CLSTN2: variants seen among roughly 807,000 people sequenced by gnomAD.
CLSTN2 encodes calsyntenin 2.
CLSTN2 carries 48 observed loss-of-function variants against 101.2 expected under a neutral mutation model. The observed-to-expected ratio is 0.47, with a 90% CI of 0.38 to 0.60. CLSTN2 has a LOEUF of 0.60. Ranked by LOEUF, CLSTN2 falls within the 20% of genes least tolerant of loss-of-function variation. The pLI, the probability that CLSTN2 is intolerant of heterozygous loss-of-function variation, is 0.00. For synonymous variants in CLSTN2, 481 were observed against 463.6 expected, an observed-to-expected ratio of 1.04 and a Z score of -0.48; for missense variants, 1,160 against 1,238.2, an observed-to-expected ratio of 0.94 and a Z score of 0.95.
chr3:139,945,348 T>C (rs1314503557), intron 1 of CLSTN2, among the ~76,000 whole-genome samples: 2 of 152,200 alleles, frequency 1.3e-5, no homozygotes, highest in African/African-American at 2.4e-5. Flanking sequence ...AAGAAAGTTC[T>C]AAGTATTCAA....
intron 1 of CLSTN2, among the ~76,000 whole-genome samples, chr3:139,944,219 T>C (rs191789294): frequency 6.6e-6 from 1 of 152,310 alleles, no homozygotes; most frequent in Admixed American, 6.5e-5. Flanking sequence ...ACTTATCCAG[T>C]TTACCCAAGT....
chr3:139,993,801 G>T (rs1242533361), intron 1 of CLSTN2, among the ~76,000 whole-genome samples: 5 of 151,954 alleles, frequency 3.3e-5, no homozygotes, highest in Non-Finnish European at 7.4e-5. Flanking sequence ...TCTGACAAAC[G>T]GGTATAAAAA....
intron 8 of CLSTN2, among the ~76,000 whole-genome samples, chr3:140,496,099 T>C (rs756857846): frequency 2.0e-5 from 3 of 152,258 alleles, no homozygotes; most frequent in Non-Finnish European, 2.9e-5. Flanking sequence ...TTCATGATCA[T>C]GGAGTGCTTC....
intron 1 of CLSTN2, among the ~76,000 whole-genome samples, chr3:140,108,628 G>T (rs1361249930): frequency 6.6e-6 from 1 of 152,192 alleles, no homozygotes; most frequent in African/African-American, 2.4e-5. Flanking sequence ...CAAATTCACA[G>T]TCAAGGCAGT....
chr3:140,052,080 T>C (rs2008007824), intron 1 of CLSTN2, among the ~76,000 whole-genome samples: 1 of 152,236 alleles, frequency 6.6e-6, no homozygotes, highest in Non-Finnish European at 1.5e-5. Context: ...AGAATTGAAA[T>C]CTGTTTATCT....
At chr3:140,092,534 G>T (rs1310337034) in intron 1 of CLSTN2, among the ~76,000 whole-genome samples, 1 of 152,190 alleles carries the variant, frequency 6.6e-6, no homozygotes, top group Non-Finnish European at 1.5e-5. Context: ...GCAGAGCTGG[G>T]AGGCCCACTG....
In CLSTN2 at chr3:140,073,397, T is replaced by C. The variant is rs78062397; in HGVS notation, c.110-102554T>C. Among the ~76,000 whole-genome samples, 765 of 152,276 alleles carry C rather than the reference T, an allele frequency of 5.0e-3. 18 individuals carry two copies. In the East Asian group the frequency reaches 0.055, roughly 11 times the overall value. On this transcript the variant is annotated intron_variant, in intron 1 of 16. Transcript: ENST00000458420. ...TGCCAGAGCTTTGGAACTAAGACAA[T>C]GTAGGTTTGAATCTGGGTTCAGCTG...
At chr3:140,113,657 C>T (rs1366686539) in intron 1 of CLSTN2, among the ~76,000 whole-genome samples, 1 of 152,208 alleles carries the variant, frequency 6.6e-6, no homozygotes, top group Non-Finnish European at 1.5e-5. Flanking sequence ...TCCTGGGAAG[C>T]ATCTTACTTA....
intron 2 of CLSTN2, among the ~76,000 whole-genome samples, chr3:140,276,362 C>G (rs568035728): frequency 6.6e-6 from 1 of 152,100 alleles, no homozygotes; most frequent in Non-Finnish European, 1.5e-5. Context: ...ATTTCCATAC[C>G]CTCTTGGCTC....
At chr3:140,096,311 G>T (rs1406486960) in intron 1 of CLSTN2, among the ~76,000 whole-genome samples, 1 of 152,122 alleles carries the variant, frequency 6.6e-6, no homozygotes, top group Non-Finnish European at 1.5e-5. Flanking sequence ...ATCATGTTCT[G>T]CTTAGAAGTT....
At chr3:140,474,323 T>C (rs1177926780) in intron 8 of CLSTN2, among the ~76,000 whole-genome samples, 1 of 152,096 alleles carries the variant, frequency 6.6e-6, no homozygotes, top group African/African-American at 2.4e-5. Flanking sequence ...CCCTTCCAGC[T>C]TGGGTACTAG....
intron 1 of CLSTN2, among the ~76,000 whole-genome samples, chr3:140,066,369 C>T (rs934030541): frequency 7.2e-5 from 11 of 152,154 alleles, no homozygotes; most frequent in African/African-American, 2.7e-4. Context: ...TTACCTGGTG[C>T]CTGAAATTCT....
At chr3:139,977,906 G>A (rs961200676) in intron 1 of CLSTN2, among the ~76,000 whole-genome samples, 1 of 152,158 alleles carries the variant, frequency 6.6e-6, no homozygotes, top group Non-Finnish European at 1.5e-5. Flanking sequence ...TCTGCTCAGC[G>A]TGTTCTTAAT....
intron 12 of CLSTN2, among the ~76,000 whole-genome samples, chr3:140,559,113 C>A (rs147224651): frequency 6.7e-6 from 1 of 148,744 alleles, no homozygotes; most frequent in African/African-American, 2.5e-5. Flanking sequence ...TGAAAAAATG[C>A]AAGACACAAA....
chr3:140,135,265 C>T (rs925523332), intron 1 of CLSTN2, among the ~76,000 whole-genome samples: 1 of 150,448 alleles, frequency 6.6e-6, no homozygotes, highest in Non-Finnish European at 1.5e-5. Context: ...ATTTTGTTTC[C>T]TTCTGTGTTT....
At chr3:140,015,448 G>A (rs2007181093) in intron 1 of CLSTN2, among the ~76,000 whole-genome samples, 1 of 152,184 alleles carries the variant, frequency 6.6e-6, no homozygotes, top group African/African-American at 2.4e-5. Context: ...AGGGTCACAG[G>A]AGTAGGAGTA....
intron 2 of CLSTN2, among the ~76,000 whole-genome samples, chr3:140,257,017 G>C (rs1311110761): frequency 6.6e-6 from 1 of 152,132 alleles, no homozygotes. Context: ...GGCCGGGCGC[G>C]ATGGCTCACG....
intron 1 of CLSTN2, among the ~76,000 whole-genome samples, chr3:140,055,909 G>C (rs1316735889): frequency 6.6e-6 from 1 of 152,178 alleles, no homozygotes; most frequent in Non-Finnish European, 1.5e-5. Flanking sequence ...ACATGAAAGA[G>C]CTGGATGCCC....
At chr3:140,231,876 G>A (rs79664278) in intron 2 of CLSTN2, among the ~76,000 whole-genome samples, 4,106 of 152,260 alleles carry the variant, frequency 0.027, 80 homozygotes, top group Middle Eastern at 0.054. Flanking sequence ...GCACAGACTT[G>A]GCAGCCACAC....
Sources: gnomAD v4.1 joint callset for allele counts (sites outside exome capture counted in the v4.1 genomes callset) on GRCh38, gnomAD v4.1.1 for gene constraint, MANE v1.5 for transcripts, NCBI Gene and HGNC (gene_info 2026-07-23, HGNC 2026-07-21) for gene names.